The following SPTBN4 variants were observed in gnomAD, a reference collection of about 807,000 sequenced individuals.
The protein encoded by SPTBN4 is spectrin beta chain, non-erythrocytic 4.
SPTBN4 carries 96 observed loss-of-function variants against 277.8 expected under a neutral mutation model. That is an observed-to-expected ratio of 0.35 (90% confidence interval 0.29 to 0.41). The LOEUF (loss-of-function observed/expected upper bound fraction) is 0.41, where lower values mean the gene tolerates loss of function less well. SPTBN4 is among the 10% of genes least tolerant of loss of function. The probability of loss-of-function intolerance (pLI) is 1.00; values close to 1 mark genes in which losing one functional copy is unlikely to be tolerated. For synonymous variants in SPTBN4, 1,481 were observed against 1,580.3 expected (o/e 0.94, Z 1.49); for missense variants, 3,006 against 3,595.7 (o/e 0.84, Z 4.19).
Position 40,467,250 on chromosome 19 carries a change from G to A in SPTBN4, c.-71G>A, listed in dbSNP as rs1164735533. On this transcript the variant is annotated 5_prime_UTR_variant, in exon 1 of 36. Coordinates refer to ENST00000598249, the MANE Select transcript of SPTBN4 (RefSeq NM_020971.3). ...GCCGGGCAGCGGACGCCGACAGGGA[G>A]GGCGGTCGGTCGCGGCGAGCAGCGG... 6.6e-6 allele frequency: 1 copy of A among 152,026 alleles called. No homozygotes were observed. Among genetic ancestry groups the A allele is most frequent in the Non-Finnish European group, 1.5e-5 (1 of 67,848 alleles). The allele number at this position is 152,026 out of a possible 1,614,324, so 9.4% of individuals were successfully genotyped here.
intron 7 of SPTBN4, among the ~76,000 whole-genome samples, chr19:40,500,542 G>A (rs561327311): frequency 1.3e-5 from 2 of 152,262 alleles, no homozygotes; most frequent in Non-Finnish European, 2.9e-5. Flanking sequence ...CTGGGCCCAC[G>A]CCTATAGTGG....
intron 20 of SPTBN4, among the ~76,000 whole-genome samples, chr19:40,535,560 CAAAA>C (rs56829015): frequency 2.6e-5 from 3 of 115,928 alleles, no homozygotes; most frequent in Non-Finnish European, 5.5e-5. Flanking sequence ...TAGTGTATGG[CAAAA>C]AAAAAAAAAA....
chr19:40,537,827 A>G (rs541496106), intron 20 of SPTBN4, among the ~76,000 whole-genome samples: 2 of 152,184 alleles, frequency 1.3e-5, no homozygotes, highest in Non-Finnish European at 2.9e-5. Context: ...CACTTAGCAC[A>G]GTGCCCAGGA....
At position 40,561,686 on chromosome 19, in the gene SPTBN4, G is replaced by A. The variant is rs573660363; in HGVS notation, c.5915+1283G>A. On this transcript the variant is annotated intron_variant, in intron 27 of 35. Transcript: ENST00000598249. ...AAAATACAAAAATTAGCCAGGCATA[G>A]TGGTGGACACCTGTAATCCCAGCTA... Among the ~76,000 whole-genome samples the A allele has an allele frequency of 2.4e-3, 366 of 152,160 alleles. 2 individuals are homozygous for A. Among genetic ancestry groups the A allele is most frequent in the African/African-American group, 8.6e-3 (356 of 41,528 alleles).
intron 30 of SPTBN4, chr19:40,567,306 T>C (rs1568380174): frequency 6.9e-6 from 1 of 144,916 alleles, no homozygotes; most frequent in African/African-American, 2.6e-5. Context: ...CAAAAATAAA[T>C]AAATAAATAA....
chr19:40,530,467 G>A (rs2080652668), intron 18 of SPTBN4: 14 of 978,298 alleles, frequency 1.4e-5, no homozygotes, highest in Admixed American at 6.3e-5. Context: ...GCGGGGGCGA[G>A]GGAGGGGGCG....
chr19:40,556,745 G>A (rs1164156993), intron 25 of SPTBN4, among the ~76,000 whole-genome samples: 2 of 152,040 alleles, frequency 1.3e-5, no homozygotes, highest in African/African-American at 4.8e-5. Flanking sequence ...GGCCAACATA[G>A]TGAAACCCCG....
intron 24 of SPTBN4, chr19:40,555,196 T>C (rs2080963236): frequency 6.6e-6 from 1 of 151,738 alleles, no homozygotes; most frequent in African/African-American, 2.4e-5. Flanking sequence ...GAGTCCAGAG[T>C]CCCACCGAGG....
Position 40,557,466 on chromosome 19 carries a change from G to A in SPTBN4, c.5670+63G>A, listed in dbSNP as rs1470495399. On this transcript the variant is annotated intron_variant, in intron 26 of 35. Transcript: ENST00000598249. The stretch of plus-strand genomic sequence containing the variant: ...CTGGACAGCTGTGGGCAGCAGAGTG[G>A]GCAAAAATCAGGCTGTGGAGCAGGT... 9 of 1,486,352 alleles carry A rather than the reference G, an allele frequency of 6.1e-6. No homozygotes were observed. In the African/African-American group the frequency reaches 1.1e-4, roughly 19 times the overall value. 92.1% of individuals were successfully genotyped at this position (1,486,352 alleles called of 1,614,324 possible).
In SPTBN4 at chr19:40,519,986, G is replaced by A. The variant is rs2145877175; in HGVS notation, c.3489G>A (p.Glu1163=). 6.4e-7 allele frequency: 1 copy of A among 1,557,292 alleles called. No homozygotes were observed. Among genetic ancestry groups the A allele is most frequent in the East Asian group, 2.4e-5 (1 of 42,176 alleles). The part of the protein sequence containing the change: ...SEALLAADGA[E]LGPGLALDEW... ...CGCTGCTGGCCGCCGACGGCGCAGA[G>A]CTGGGCCCGGGCCTGGCACTAGACG... Residue 1163 remains glutamate, a synonymous_variant, in exon 16 of 36, where the codon GAG becomes GAA. Transcript: ENST00000598249. The surrounding 1 kb of genome is among the most constrained non-coding windows in gnomAD (Gnocchi z 5.7).
rs1404655340 is a variant in SPTBN4 at position 40,550,229 on chromosome 19, C to G, written c.4585-9C>G. 3.1e-6 allele frequency: 5 copies of G among 1,613,232 alleles called. No homozygotes were observed. The highest frequency in any genetic ancestry group is 4.2e-6 in the Non-Finnish European group (5 of 1,179,690). ...TCTCCCCTTGACCTGCTTCCTGTGT[C>G]CTCTCCAGGCATGGGTTCAGGAGCG... is the stretch of plus-strand genomic sequence containing the variant. On this transcript the variant is annotated splice_polypyrimidine_tract_variant and intron_variant, in intron 21 of 35. Transcript: ENST00000598249.
intron 6 of SPTBN4, among the ~76,000 whole-genome samples, chr19:40,496,202 TGCAGTG>T (rs1474672129): frequency 6.6e-6 from 1 of 152,158 alleles, no homozygotes; most frequent in Admixed American, 6.6e-5. Context: ...CAGGCTAGAG[TGCAGTG>T]GCACGATCTC....
intron 2 of SPTBN4, among the ~76,000 whole-genome samples, chr19:40,475,610 C>G (rs958370002): frequency 6.6e-6 from 1 of 151,972 alleles, no homozygotes; most frequent in African/African-American, 2.4e-5. Flanking sequence ...TACAGGCCCG[C>G]ACCACCATGC....
chr19:40,496,971 G>A (rs1242859166), intron 6 of SPTBN4, among the ~76,000 whole-genome samples: 1 of 151,706 alleles, frequency 6.6e-6, no homozygotes, highest in Non-Finnish European at 1.5e-5. Context: ...TACTTGGGAG[G>A]CTGAGGCAGG....
Position 40,570,499 on chromosome 19 carries a change from G to A in SPTBN4, c.7090G>A (p.Glu2364Lys), listed in dbSNP as rs766229762. 1 of 1,544,632 alleles carries A rather than the reference G, an allele frequency of 6.5e-7. No homozygotes were observed. The highest frequency in any genetic ancestry group is 1.2e-5 in the South Asian group (1 of 86,554). ...GRLPNGLELP[E>K]RTPRPDRPRA... The stretch of plus-strand genomic sequence containing the variant: ...CCTGCCCAACGGGCTTGAGCTGCCC[G>A]AGCGGACACCTCGGCCGGACCGGCC... Residue 2364 changes from glutamate (E) to lysine (K), a missense_variant, in exon 33 of 36, where the codon GAG becomes AAG. By Grantham distance (56) the Glu-to-Lys change is moderately conservative. Coordinates refer to ENST00000598249, the MANE Select transcript of SPTBN4 (RefSeq NM_020971.3).
chr19:40,495,060 T>G, intron 6 of SPTBN4, 83 bp downstream of exon 6: 1 of 1,308,690 alleles, frequency 7.6e-7, no homozygotes, highest in South Asian at 1.2e-5. Flanking sequence ...TGTACTTGTG[T>G]AGATGGCACA....
intron 2 of SPTBN4, among the ~76,000 whole-genome samples, chr19:40,481,821 C>T (rs189518456): frequency 8.5e-5 from 13 of 152,074 alleles, no homozygotes; most frequent in African/African-American, 2.4e-4. Flanking sequence ...GCTGTGCATT[C>T]TGTTGTGGTT....
intron 20 of SPTBN4, among the ~76,000 whole-genome samples, chr19:40,548,384 G>T (rs2080880752): frequency 6.6e-6 from 1 of 151,966 alleles, no homozygotes; most frequent in Non-Finnish European, 1.5e-5. Context: ...CCAGCTACTT[G>T]GGAGGTCAAG....
At chr19:40,494,847 C>T in intron 5 of SPTBN4, 50 bp from the exon 6 acceptor site, 2 of 1,552,040 alleles carry the variant, frequency 1.3e-6, no homozygotes, top group Non-Finnish European at 1.8e-6. Flanking sequence ...CCCTTTCTTC[C>T]CTCCTAACTC....
Sources: gnomAD v4.1 joint callset for allele counts (sites outside exome capture counted in the v4.1 genomes callset) on GRCh38, gnomAD v4.1.1 for gene constraint, Gnocchi (gnomAD v3.1) non-coding constraint, MANE v1.5 for transcripts, NCBI Gene and HGNC (gene_info 2026-07-23, HGNC 2026-07-21) for gene names.